PDLIM5: variants seen among roughly 807,000 people sequenced by gnomAD.
PDLIM5 encodes PDZ and LIM domain protein 5.
A neutral mutation model predicts 64.2 loss-of-function variants in PDLIM5; 34 were observed. That is an observed-to-expected ratio of 0.53 (90% CI 0.40 to 0.71). PDLIM5 has a LOEUF of 0.71. Ranked by LOEUF, PDLIM5 falls within the 30% of genes least tolerant of loss-of-function variation. PDLIM5 has a pLI of 0.00. For missense variants in PDLIM5, 683 were observed against 733.6 expected (o/e 0.93, Z 0.80); for synonymous variants, 253 against 269.1 (o/e 0.94, Z 0.59).
At chr4:94,626,091 G>A (rs1277012459) in intron 8 of PDLIM5, among the ~76,000 whole-genome samples, 2 of 152,066 alleles carry the variant, frequency 1.3e-5, no homozygotes, top group East Asian at 1.9e-4. Context: ...CAAACGAAAC[G>A]GGAAAAAACA....
At chr4:94,563,310 T>C (rs1238262365) in intron 3 of PDLIM5, among the ~76,000 whole-genome samples, 3 of 152,186 alleles carry the variant, frequency 2.0e-5, no homozygotes, top group South Asian at 4.1e-4. Context: ...CTTGAAGTTA[T>C]TAAACAAGGA....
At chr4:94,609,199 T>C (rs765105070) in intron 7 of PDLIM5, among the ~76,000 whole-genome samples, 10 of 152,170 alleles carry the variant, frequency 6.6e-5, no homozygotes, top group Admixed American at 2.6e-4. Context: ...TTACTTTGTG[T>C]TGGAGGTGGC....
intron 2 of PDLIM5, among the ~76,000 whole-genome samples, chr4:94,458,666 G>A (rs1157636292): frequency 6.6e-6 from 1 of 152,116 alleles, no homozygotes; most frequent in African/African-American, 2.4e-5. Flanking sequence ...TGGAGCTCTG[G>A]TGTATCGAAT....
chr4:94,587,133 T>A, intron 7 of PDLIM5: 1 of 1,548,624 alleles, frequency 6.5e-7, no homozygotes, highest in Non-Finnish European at 8.7e-7. Context: ...TCATTTACTT[T>A]TTTTTTTTCA....
At chr4:94,573,060 A>G (rs1734941494) in intron 3 of PDLIM5, among the ~76,000 whole-genome samples, 1 of 152,182 alleles carries the variant, frequency 6.6e-6, no homozygotes, top group Non-Finnish European at 1.5e-5. Flanking sequence ...ACGATTAAAC[A>G]CGGGTGCACT....
chr4:94,664,080 C>A lies in PDLIM5; in HGVS notation c.*13C>A. On this transcript the variant is annotated 3_prime_UTR_variant, in exon 13 of 13. Transcript: ENST00000317968. ...TGTGAATTTTTGAAAGTCAACAGTT[C>A]AGGAGAAGAGAAGGAATTTGAAGAG... The A allele has an allele frequency of 1.3e-6, 2 of 1,556,026 alleles. No homozygotes were observed. Among genetic ancestry groups the A allele is most frequent in the Non-Finnish European group, 1.7e-6 (2 of 1,143,650 alleles).
chr4:94,623,554 A>G (rs1467581333), intron 8 of PDLIM5, among the ~76,000 whole-genome samples: 1 of 152,164 alleles, frequency 6.6e-6, no homozygotes, highest in African/African-American at 2.4e-5. Flanking sequence ...AATTGTTTAC[A>G]TAGGTGTCTT....
intron 3 of PDLIM5, among the ~76,000 whole-genome samples, chr4:94,568,644 C>A (rs1319683566): frequency 7.3e-6 from 1 of 136,096 alleles, no homozygotes; most frequent in African/African-American, 3.8e-5. Context: ...TAATTTTTTT[C>A]CCTCATAAAA....
chr4:94,604,573 G>A (rs904291749), intron 7 of PDLIM5, among the ~76,000 whole-genome samples: 2 of 152,328 alleles, frequency 1.3e-5, no homozygotes, highest in African/African-American at 4.8e-5. Flanking sequence ...GGTGGAGGTT[G>A]CAGTGAGCCG....
chr4:94,589,930 T>A (rs1490214206), intron 7 of PDLIM5, among the ~76,000 whole-genome samples: 1 of 50 alleles, frequency 0.02, no homozygotes, highest in Non-Finnish European at 0.045. Flanking sequence ...GTGCACCACC[T>A]GCCCAGCTAA....
At chr4:94,599,963 GC>G (rs1737360740) in intron 7 of PDLIM5, among the ~76,000 whole-genome samples, 1 of 152,184 alleles carries the variant, frequency 6.6e-6, no homozygotes, top group African/African-American at 2.4e-5. Context: ...GTTTGTGAGG[GC>G]TGTGATAGAT....
At chr4:94,593,684 G>A (rs1306734689) in intron 7 of PDLIM5, among the ~76,000 whole-genome samples, 1 of 152,150 alleles carries the variant, frequency 6.6e-6, no homozygotes, top group African/African-American at 2.4e-5. Flanking sequence ...GTCACATTGT[G>A]GGTTAGGGCT....
intron 5 of PDLIM5, among the ~76,000 whole-genome samples, chr4:94,576,632 G>A (rs112365813): frequency 1.8e-3 from 271 of 152,340 alleles, no homozygotes; most frequent in African/African-American, 6.2e-3. Flanking sequence ...GGCACGCTTA[G>A]AAAGCATTAG....
intron 12 of PDLIM5, among the ~76,000 whole-genome samples, chr4:94,662,909 T>C (rs538587839): frequency 5.9e-4 from 90 of 152,014 alleles, no homozygotes; most frequent in Non-Finnish European, 1.2e-3. Context: ...TAAATAATTA[T>C]AAAAATCGGC....
chr4:94,584,970 C>T, intron 5 of PDLIM5: 1 of 1,519,476 alleles, frequency 6.6e-7, no homozygotes, highest in Non-Finnish European at 9.1e-7. Context: ...TGCTGCCTTC[C>T]TCTGTCAATT....
At chr4:94,656,419 T>A (rs1257534584) in intron 10 of PDLIM5, among the ~76,000 whole-genome samples, 4 of 152,044 alleles carry the variant, frequency 2.6e-5, no homozygotes, top group Non-Finnish European at 5.9e-5. Context: ...TGTTTAACCA[T>A]TGGGCCATTG....
chr4:94,644,907 A>C (rs534057078), intron 9 of PDLIM5, among the ~76,000 whole-genome samples: 1 of 126,258 alleles, frequency 7.9e-6, no homozygotes, highest in Non-Finnish European at 1.8e-5. Flanking sequence ...GATTGATATT[A>C]TTCTTTTTTT....
chr4:94,509,115 T>A (rs1728645638), intron 2 of PDLIM5, among the ~76,000 whole-genome samples: 1 of 152,234 alleles, frequency 6.6e-6, no homozygotes, highest in African/African-American at 2.4e-5. Flanking sequence ...TATTGATAGC[T>A]TGTATACATT....
intron 2 of PDLIM5, among the ~76,000 whole-genome samples, chr4:94,517,070 G>C (rs1157716884): frequency 1.3e-5 from 2 of 152,096 alleles, no homozygotes; most frequent in African/African-American, 4.8e-5. Context: ...TATATGCGGG[G>C]GGGACATCAC....
Sources: allele counts gnomAD v4.1 joint callset (sites outside exome capture counted in the v4.1 genomes callset), GRCh38; gene constraint gnomAD v4.1.1; transcripts MANE v1.5; gene names NCBI Gene and HGNC (gene_info 2026-07-23, HGNC 2026-07-21).